The following ASTN2 variants were observed in gnomAD, a reference collection of about 807,000 sequenced individuals.
ASTN2 encodes astrotactin-2.
ASTN2 carries 54 observed loss-of-function variants against 139.8 expected under a neutral mutation model. The observed-to-expected ratio is 0.39, with a 90% CI of 0.31 to 0.48. The LOEUF (loss-of-function observed/expected upper bound fraction) is 0.48, where lower values mean the gene tolerates loss of function less well. Among genes scored for constraint, ASTN2 ranks in the 20% least tolerant of loss-of-function variants. The pLI is 0.95. For synonymous variants in ASTN2, 756 were observed against 719.5 expected (o/e 1.05, Z -0.81); for missense variants, 1,565 against 1,725.1 (o/e 0.91, Z 1.64).
intron 16 of ASTN2, among the ~76,000 whole-genome samples, chr9:116,658,733 CTTTTTTTT>C (rs71502074): frequency 9.9e-6 from 1 of 101,098 alleles, no homozygotes; most frequent in African/African-American, 4.1e-5. Context: ...GACCACCGCT[CTTTTTTTT>C]TTTTTTTTTT....
intron 19 of ASTN2, among the ~76,000 whole-genome samples, chr9:116,554,597 A>T (rs1381568906): frequency 6.6e-6 from 1 of 152,190 alleles, no homozygotes; most frequent in African/African-American, 2.4e-5. Flanking sequence ...CACCTCTGTA[A>T]CATTCGCCAG....
At chr9:116,862,518 C>G (rs912479541) in intron 11 of ASTN2, among the ~76,000 whole-genome samples, 5 of 152,138 alleles carry the variant, frequency 3.3e-5, no homozygotes, top group Non-Finnish European at 7.3e-5. Flanking sequence ...GGAGATGTCT[C>G]TGGAAAGATG....
At chr9:116,834,513 T>C (rs1431138918) in intron 11 of ASTN2, among the ~76,000 whole-genome samples, 16 of 152,230 alleles carry the variant, frequency 1.1e-4, no homozygotes, top group Admixed American at 9.8e-4. Flanking sequence ...TATGTCTTCA[T>C]GGTAAATGAT....
chr9:117,384,379 A>C (rs528698121), intron 1 of ASTN2, among the ~76,000 whole-genome samples: 1 of 152,332 alleles, frequency 6.6e-6, no homozygotes, highest in South Asian at 2.1e-4. Flanking sequence ...TGGTCCTTTT[A>C]CAGTATAACA....
intron 3 of ASTN2, among the ~76,000 whole-genome samples, chr9:117,141,919 T>G (rs1417963589): frequency 6.6e-6 from 1 of 152,140 alleles, no homozygotes; most frequent in East Asian, 1.9e-4. Flanking sequence ...AAAATAGGCT[T>G]CCAGAAGGAG....
At chr9:117,189,798 C>T (rs577413448) in intron 3 of ASTN2, among the ~76,000 whole-genome samples, 14 of 152,244 alleles carry the variant, frequency 9.2e-5, no homozygotes, top group Admixed American at 3.9e-4. Context: ...CCAGCCTCTG[C>T]CTGGCTGGTA....
chr9:117,222,477 T>A (rs977646705), intron 2 of ASTN2, among the ~76,000 whole-genome samples: 1 of 152,170 alleles, frequency 6.6e-6, no homozygotes, highest in Non-Finnish European at 1.5e-5. Flanking sequence ...CCACTAGCTC[T>A]GTCATTAAGT....
intron 19 of ASTN2, among the ~76,000 whole-genome samples, chr9:116,535,312 T>C (rs1369819573): frequency 1.3e-5 from 2 of 152,198 alleles, no homozygotes; most frequent in Non-Finnish European, 2.9e-5. Flanking sequence ...TGACTCTTTG[T>C]CCAATTTGCC....
intron 13 of ASTN2, among the ~76,000 whole-genome samples, chr9:116,771,988 T>C (rs971414895): frequency 3.9e-5 from 6 of 152,242 alleles, no homozygotes; most frequent in Non-Finnish European, 7.3e-5. Context: ...TGGTGGTCAA[T>C]CTGATAGCTC....
chr9:116,446,423 C>T (rs1848001745), intron 20 of ASTN2, among the ~76,000 whole-genome samples: 1 of 152,168 alleles, frequency 6.6e-6, no homozygotes, highest in South Asian at 2.1e-4. Flanking sequence ...TGAACTAAAA[C>T]TCCTGTACCA....
chr9:116,698,096 G>T lies in ASTN2; in HGVS notation c.2806+27675C>A. ...AATTCTGCCGGAGCTGTGGTTTGGT[G>T]TTATGTGAGCCCTGCCGGGAGGCAG... On this transcript the variant is annotated intron_variant, in intron 16 of 22. Coordinates refer to ENST00000313400, the MANE Select transcript of ASTN2 (RefSeq NM_001365068.1). The surrounding 1 kb of genome is among the most constrained non-coding windows in gnomAD (Gnocchi z 4.4). The T allele has an allele frequency of 6.2e-7, 1 of 1,614,140 alleles. No individual in the cohort carries two copies. Among genetic ancestry groups the T allele is most frequent in the Non-Finnish European group, 8.5e-7 (1 of 1,180,040 alleles).
intron 10 of ASTN2, among the ~76,000 whole-genome samples, chr9:116,911,508 T>C (rs1834309053): frequency 6.6e-6 from 1 of 152,224 alleles, no homozygotes; most frequent in African/African-American, 2.4e-5. Context: ...GAAAAACTGG[T>C]GAAATTCAAA....
At chr9:117,335,100 C>T (rs1182330505) in intron 1 of ASTN2, among the ~76,000 whole-genome samples, 2 of 152,074 alleles carry the variant, frequency 1.3e-5, no homozygotes, top group African/African-American at 4.8e-5. Context: ...GCAACTTCTA[C>T]CTTGCACCCC....
chr9:116,510,996 C>A (rs974024246), intron 19 of ASTN2, among the ~76,000 whole-genome samples: 24 of 152,150 alleles, frequency 1.6e-4, no homozygotes, highest in African/African-American at 5.8e-4. Flanking sequence ...CCCTTTATTT[C>A]CTTCTCCTGC....
intron 11 of ASTN2, among the ~76,000 whole-genome samples, chr9:116,829,604 AAG>A (rs763855651): frequency 2.6e-5 from 4 of 152,142 alleles, no homozygotes; most frequent in Non-Finnish European, 5.9e-5. Flanking sequence ...GAGCAGGAGA[AAG>A]AGAGCAAAAT....
chr9:117,128,631 G>A (rs1829758983), intron 4 of ASTN2, among the ~76,000 whole-genome samples: 1 of 152,166 alleles, frequency 6.6e-6, no homozygotes, highest in Non-Finnish European at 1.5e-5. Flanking sequence ...TTGTTTCAAA[G>A]TTAAACTATA....
chr9:117,307,925 T>C (rs1250769672), intron 1 of ASTN2, among the ~76,000 whole-genome samples: 2 of 152,216 alleles, frequency 1.3e-5, no homozygotes, highest in Non-Finnish European at 2.9e-5. Context: ...CTGGTATGAC[T>C]GACAGACTGC....
intron 10 of ASTN2, among the ~76,000 whole-genome samples, chr9:116,866,565 T>C (rs150625724): frequency 5.9e-5 from 9 of 152,126 alleles, no homozygotes; most frequent in Non-Finnish European, 8.8e-5. Flanking sequence ...AAAATATTAA[T>C]ACCCTAGAAG....
chr9:116,844,022 G>C (rs1272546026), intron 11 of ASTN2, among the ~76,000 whole-genome samples: 2 of 152,016 alleles, frequency 1.3e-5, no homozygotes, highest in African/African-American at 4.8e-5. Flanking sequence ...AGAATGCTGA[G>C]GAGACAAAAA....
Sources: gnomAD v4.1 joint callset for allele counts (sites outside exome capture counted in the v4.1 genomes callset) on GRCh38, gnomAD v4.1.1 for gene constraint, Gnocchi (gnomAD v3.1) non-coding constraint, MANE v1.5 for transcripts, NCBI Gene and HGNC (gene_info 2026-07-23, HGNC 2026-07-21) for gene names.